BCKDHB: variants seen among roughly 807,000 people sequenced by gnomAD.
The protein encoded by BCKDHB is branched chain keto acid dehydrogenase E1 subunit beta, also known as 2-oxoisovalerate dehydrogenase subunit beta, mitochondrial.
In BCKDHB, 41 loss-of-function variants were observed where a neutral mutation model predicts 48.5. The ratio of observed to expected loss-of-function variants is 0.85; its 90% CI spans 0.66 to 1.10. The LOEUF is 1.10. Ranked by LOEUF, BCKDHB falls within the 50% of genes least tolerant of loss-of-function variation. The probability of loss-of-function intolerance (pLI) is 0.00; values close to 1 mark genes in which losing one functional copy is unlikely to be tolerated. For missense variants in BCKDHB, 496 were observed against 494.2 expected, an observed-to-expected ratio of 1.00 and a Z score of -0.03; for synonymous variants, 201 against 174.8, an observed-to-expected ratio of 1.15 and a Z score of -1.18.
At chr6:80,376,058 G>A in the BCKDHB span, among the ~76,000 whole-genome samples, 8 of 152,122 alleles carry the variant, frequency 5.3e-5, no homozygotes, top group African/African-American at 1.4e-4. Context: ...GGTAGGCAGG[G>A]CCATAGAGCT....
At chr6:80,130,632 A>G (rs1770579498) in intron 3 of BCKDHB, among the ~76,000 whole-genome samples, 1 of 152,232 alleles carries the variant, frequency 6.6e-6, no homozygotes, top group African/African-American at 2.4e-5. Context: ...ATAAACAGTT[A>G]AAAATCTTTA....
rs114148569 is a variant in BCKDHB, at chr6:80,127,230, A to T, written c.197-317A>T. The T allele has an allele frequency of 3.7e-3, 1,234 of 338,022 alleles. 12 individuals are homozygous for T. The highest frequency in any genetic ancestry group is 0.024 in the African/African-American group (1,126 of 47,226). 20.9% of individuals were successfully genotyped at this position (338,022 alleles called of 1,614,324 possible). A position where few individuals can be genotyped will look rare whatever the true frequency, so the allele number is the denominator to read the frequency against. On this transcript the variant is annotated intron_variant, in intron 1 of 9. Transcript: ENST00000320393. The stretch of plus-strand genomic sequence containing the variant: ...GTCTGTGCTTCTTCCCAGACCACTC[A>T]CTTTGACGGGTCTCCCTTTCTGACT...
At chr6:80,369,747 T>C in the BCKDHB span, among the ~76,000 whole-genome samples, 1 of 152,192 alleles carries the variant, frequency 6.6e-6, no homozygotes, top group Non-Finnish European at 1.5e-5. Flanking sequence ...ACCTGTGGCT[T>C]TCAGGAGTGG....
Position 80,343,984 on chromosome 6 carries a change from T to A in BCKDHB, c.*180T>A. The A allele has an allele frequency of 1.4e-6, 1 of 706,896 alleles. No individual in the cohort carries two copies. Among genetic ancestry groups the A allele is most frequent in the Non-Finnish European group, 2.3e-6 (1 of 428,866 alleles). 43.8% of individuals were successfully genotyped at this position (706,896 alleles called of 1,614,324 possible). On this transcript the variant is annotated 3_prime_UTR_variant, in exon 10 of 10. Coordinates refer to ENST00000320393, the MANE Select transcript of BCKDHB (RefSeq NM_183050.4). ...TTAGAAAAAAAATTCAAATTTATAG[T>A]AGTATATTTACATTTTTGTTGTTGT...
chr6:80,236,344 G>C lies in BCKDHB; in HGVS notation c.951+33132G>C, dbSNP rs1324122. The stretch of plus-strand genomic sequence containing the variant: ...TTTAACAGGTAATAGACTTTTAGGT[G>C]ATCAGTCAATGTTGAACTAATTTGT... On this transcript the variant is annotated intron_variant, in intron 8 of 9. Coordinates refer to ENST00000320393, the MANE Select transcript of BCKDHB (RefSeq NM_183050.4). Among the ~76,000 whole-genome samples the C allele has an allele frequency of 8.5e-5, 13 of 152,128 alleles. No homozygotes were observed. The East Asian group carries it at 2.5e-3, about 29-fold the overall frequency.
chr6:80,227,561 A>G lies in BCKDHB; in HGVS notation c.951+24349A>G, dbSNP rs1055317945. ...AATTCCAGTTTTGTGTCCCAGAAGT[A>G]TGCTATGTCTTTAAAATTCAGTTAG... On this transcript the variant is annotated intron_variant, in intron 8 of 9. Transcript: ENST00000320393. 1.6e-4 allele frequency among the ~76,000 whole-genome samples: 24 copies of G among 152,194 alleles called. 1 individual carries two copies. Among genetic ancestry groups the G allele is most frequent in the Non-Finnish European group, 2.8e-4 (19 of 68,022 alleles).
chr6:80,330,907 A>G (rs887442585), intron 9 of BCKDHB, among the ~76,000 whole-genome samples: 2 of 152,034 alleles, frequency 1.3e-5, no homozygotes, highest in Non-Finnish European at 2.9e-5. Context: ...CACAAATTTT[A>G]CCTTGTTTTG....
chr6:80,405,912 G>A, the BCKDHB span, among the ~76,000 whole-genome samples: 1 of 152,090 alleles, frequency 6.6e-6, no homozygotes, highest in African/African-American at 2.4e-5. Flanking sequence ...GTGCCATGTT[G>A]GCTTGCTGCG....
At chr6:80,107,555 A>G (rs1232267814) in intron 1 of BCKDHB, among the ~76,000 whole-genome samples, 1 of 132,628 alleles carries the variant, frequency 7.5e-6, no homozygotes, top group Non-Finnish European at 1.6e-5. Context: ...ACACATATAT[A>G]TGCATATATA....
chr6:80,382,116 T>A, the BCKDHB span, among the ~76,000 whole-genome samples: 3 of 152,166 alleles, frequency 2.0e-5, no homozygotes, highest in African/African-American at 7.2e-5. Context: ...ACCATCATTC[T>A]TGATGCATCC....
chr6:80,418,001 C>A, the BCKDHB span, among the ~76,000 whole-genome samples: 11 of 152,138 alleles, frequency 7.2e-5, no homozygotes, highest in Non-Finnish European at 1.5e-5. Context: ...TTTACATAAT[C>A]CCATATATCT....
the BCKDHB span, among the ~76,000 whole-genome samples, chr6:80,408,833 C>T: frequency 6.9e-6 from 1 of 144,334 alleles, no homozygotes; most frequent in African/African-American, 2.5e-5. Flanking sequence ...CTCCTGGATT[C>T]ATTGATTTTT....
chr6:80,168,864 C>G lies in BCKDHB; in HGVS notation c.478-11C>G. ...ATTGTGCCATGCCCCGTCTTTCTTT[C>G]TGACCCTCAGATTGTTAATGAAGCT... On this transcript the variant is annotated splice_polypyrimidine_tract_variant and intron_variant, in intron 4 of 9. Transcript: ENST00000320393. 23 of 1,613,864 alleles carry G rather than the reference C, an allele frequency of 1.4e-5. No homozygotes were observed. Among genetic ancestry groups the G allele is most frequent in the Non-Finnish European group, 1.9e-5 (22 of 1,179,930 alleles).
chr6:80,354,955 C>T, the BCKDHB span, among the ~76,000 whole-genome samples: 2 of 152,054 alleles, frequency 1.3e-5, no homozygotes, highest in Admixed American at 6.6e-5. Context: ...CAGCTTTGTT[C>T]TTTTGCTTAG....
chr6:80,450,294 C>T, the BCKDHB span, among the ~76,000 whole-genome samples: 1 of 152,080 alleles, frequency 6.6e-6, no homozygotes, highest in South Asian at 2.1e-4. Context: ...TAGTGATATC[C>T]TGCTTTGAGT....
chr6:80,122,706 C>T (rs1176865857), intron 1 of BCKDHB, among the ~76,000 whole-genome samples: 1 of 152,136 alleles, frequency 6.6e-6, no homozygotes, highest in African/African-American at 2.4e-5. Context: ...ATGCTTCTGA[C>T]CTAACAGGAC....
chr6:80,343,904 C>A lies in BCKDHB; in HGVS notation c.*100C>A, dbSNP rs932586340. ...GCAATCATCAGTGTTTTGATGGTAA[C>A]AAACTTTGATGGTAAAGTTGGTAAA... On this transcript the variant is annotated 3_prime_UTR_variant, in exon 10 of 10. Transcript: ENST00000320393. 3 of 1,472,298 alleles carry A rather than the reference C, an allele frequency of 2.0e-6. No homozygotes were observed. The African/African-American group carries it at 4.2e-5, about 20-fold the overall frequency. The allele number at this position is 1,472,298 out of a possible 1,614,324, so 91.2% of individuals were successfully genotyped here.
chr6:80,238,939 T>C (rs548240024), intron 8 of BCKDHB, among the ~76,000 whole-genome samples: 1 of 152,334 alleles, frequency 6.6e-6, no homozygotes, highest in East Asian at 1.9e-4. Context: ...CTCATCCTTT[T>C]TTATGGCTGC....
the BCKDHB span, among the ~76,000 whole-genome samples, chr6:80,391,177 ATGTG>A: frequency 1.3e-5 from 2 of 149,110 alleles, no homozygotes; most frequent in African/African-American, 5.0e-5. Context: ...GCATATATAT[ATGTG>A]TGTGTGTGTG....
Sources: allele counts gnomAD v4.1 joint callset (sites outside exome capture counted in the v4.1 genomes callset), GRCh38; gene constraint gnomAD v4.1.1; transcripts MANE v1.5; gene names NCBI Gene and HGNC (gene_info 2026-07-23, HGNC 2026-07-21).